The following ZNF787 variants were observed in gnomAD, a reference collection of about 807,000 sequenced individuals.
ZNF787 encodes zinc finger protein 787.
In ZNF787, 7 loss-of-function variants were observed where a neutral mutation model predicts 16.9. The observed-to-expected ratio is 0.42, with a 90% confidence interval of 0.24 to 0.78. ZNF787 has a LOEUF of 0.78. ZNF787 is among the 30% of genes least tolerant of loss of function. The probability of loss-of-function intolerance (pLI) is 0.30; values close to 1 mark genes in which losing one functional copy is unlikely to be tolerated. For synonymous variants in ZNF787, 345 were observed against 270.9 expected, an observed-to-expected ratio of 1.27 and a Z score of -2.69; for missense variants, 551 against 589.3, an observed-to-expected ratio of 0.94 and a Z score of 0.67.
At chr19:56,098,450 AC>A (rs1336809301) in intron 2 of ZNF787, among the ~76,000 whole-genome samples, 1 of 149,952 alleles carries the variant, frequency 6.7e-6, no homozygotes, top group Non-Finnish European at 1.5e-5. Context: ...GCAGGGTGAT[AC>A]GGCCGCAGGG....
At chr19:56,093,753 G>A (rs1462397794) in intron 2 of ZNF787, among the ~76,000 whole-genome samples, 1 of 152,156 alleles carries the variant, frequency 6.6e-6, no homozygotes, top group Non-Finnish European at 1.5e-5. Context: ...TGCTAAGTCC[G>A]AGCATAGTCA....
At chr19:56,107,490 G>GGGTCACCGT (rs1986371168) in intron 1 of ZNF787, among the ~76,000 whole-genome samples, 1 of 116,100 alleles carries the variant, frequency 8.6e-6, no homozygotes, top group Non-Finnish European at 1.8e-5. Flanking sequence ...GGGGTCACCG[G>GGGTCACCGT]GAGACACGGG....
chr19:56,103,255 CAG>C lies in ZNF787; in HGVS notation c.-10-30_-10-29del, dbSNP rs780164311. ...GTTAGAAGGGGATGAGACAGAAGGACAGAGTTTATGGGGTGCCAGGCTGCACC... is the reference window on the plus strand; with the variant it reads ...GTTAGAAGGGGATGAGACAGAAGGACAGTTTATGGGGTGCCAGGCTGCACC... On this transcript the variant is annotated intron_variant, in intron 1 of 2. Coordinates refer to ENST00000610935, the MANE Select transcript of ZNF787 (RefSeq NM_001002836.4). 2.0e-6 allele frequency: 3 copies of C among 1,522,036 alleles called. No individual in the cohort carries two copies. In the South Asian group the frequency reaches 4.0e-5, roughly 20 times the overall value. 94.3% of individuals were successfully genotyped at this position (1,522,036 alleles called of 1,614,324 possible).
At chr19:56,098,012 G>A (rs1000621886) in intron 2 of ZNF787, among the ~76,000 whole-genome samples, 4 of 152,154 alleles carry the variant, frequency 2.6e-5, no homozygotes, top group African/African-American at 9.7e-5. Flanking sequence ...GGGCACCCCC[G>A]GTCAGCACCC....
At chr19:56,099,618 G>C (rs1182957457) in intron 2 of ZNF787, among the ~76,000 whole-genome samples, 1 of 149,532 alleles carries the variant, frequency 6.7e-6, no homozygotes, top group Non-Finnish European at 1.5e-5. Flanking sequence ...GGCTGAGGCA[G>C]GAGAATCGCT....
Position 56,089,258 on chromosome 19 carries a change from C to T in ZNF787, c.80-166G>A, listed in dbSNP as rs558521751. Among the ~76,000 whole-genome samples, 34 of 152,188 alleles carry T rather than the reference C, an allele frequency of 2.2e-4. No homozygotes were observed. The South Asian group carries it at 6.6e-3, about 30-fold the overall frequency. ...CTGCATTTTACTAAGTATTTATTAC[C>T]CCTCTCCCCAGCTAAGACCTCAGCT... On this transcript the variant is annotated intron_variant, in intron 2 of 2. Transcript: ENST00000610935.
chr19:56,097,972 T>C (rs577088802), intron 2 of ZNF787, among the ~76,000 whole-genome samples: 1 of 152,242 alleles, frequency 6.6e-6, no homozygotes, highest in East Asian at 1.9e-4. Context: ...GACAACCTCA[T>C]GCTGAAGCCC....
Position 56,087,608 on chromosome 19 carries a change from G to C in ZNF787, c.*415C>G, listed in dbSNP as rs944309070. 5 of 161,034 alleles carry C rather than the reference G, an allele frequency of 3.1e-5. No individual in the cohort carries two copies. In the East Asian group the frequency reaches 5.4e-4, roughly 17 times the overall value. The allele number at this position is 161,034 out of a possible 1,614,324, so 10.0% of individuals were successfully genotyped here. On this transcript the variant is annotated 3_prime_UTR_variant, in exon 3 of 3. Coordinates refer to ENST00000610935, the MANE Select transcript of ZNF787 (RefSeq NM_001002836.4). ...ATTCTAAAAGAGAAAAGGGCCCCTGGTTCTCTTCCCTCTCTGGGATCCTCT... is the reference window on the plus strand; with the variant it reads ...ATTCTAAAAGAGAAAAGGGCCCCTGCTTCTCTTCCCTCTCTGGGATCCTCT...
intron 2 of ZNF787, among the ~76,000 whole-genome samples, chr19:56,093,246 A>T (rs1018267673): frequency 1.4e-5 from 2 of 147,250 alleles, no homozygotes; most frequent in African/African-American, 5.1e-5. Flanking sequence ...ACAGGGGATG[A>T]CAGAATTGAG....
intron 1 of ZNF787, among the ~76,000 whole-genome samples, chr19:56,120,065 C>A (rs1036009738): frequency 3.3e-5 from 5 of 152,220 alleles, no homozygotes; most frequent in African/African-American, 1.2e-4. Context: ...GCTCCCACAG[C>A]CCCCAGACCT....
At chr19:56,096,589 T>C (rs1037379268) in intron 2 of ZNF787, among the ~76,000 whole-genome samples, 1 of 152,094 alleles carries the variant, frequency 6.6e-6, no homozygotes, top group Admixed American at 6.6e-5. Context: ...GGCGGGTGCC[T>C]GTAATCCCAG....
Position 56,087,901 on chromosome 19 carries a change from G to GCCGGGGATGCCGCGGGGTC in ZNF787, c.*103_*121dup. 7.9e-7 allele frequency: 1 copy of GCCGGGGATGCCGCGGGGTC among 1,271,258 alleles called. No individual in the cohort carries two copies. The highest frequency in any genetic ancestry group is 9.9e-7 in the Non-Finnish European group (1 of 1,008,052). 78.7% of individuals were successfully genotyped at this position (1,271,258 alleles called of 1,614,324 possible). A position where few individuals can be genotyped will look rare whatever the true frequency, so the allele number is the denominator to read the frequency against. ...GCGCAGGGACAGAGGAGGGCGGGGA[G>GCCGGGGATGCCGCGGGGTC]CCGGGGATGCCGCGGGGTCCATCGC... On this transcript the variant is annotated 3_prime_UTR_variant, in exon 3 of 3. Transcript: ENST00000610935.
rs576379256 is a variant in ZNF787 at position 56,093,637 on chromosome 19, A to G, written c.80-4545T>C. ...CTTTTAGGTTCCTCAGGAAGGGCACAGAGGAACGGGGTTCACAGGGCTGTT... is the reference window on the plus strand; with the variant it reads ...CTTTTAGGTTCCTCAGGAAGGGCACGGAGGAACGGGGTTCACAGGGCTGTT... On this transcript the variant is annotated intron_variant, in intron 2 of 2. Transcript: ENST00000610935. Among the ~76,000 whole-genome samples the G allele has an allele frequency of 2.6e-5, 4 of 152,292 alleles. No homozygotes were observed. In the East Asian group the frequency reaches 7.7e-4, roughly 29 times the overall value.
At chr19:56,090,458 G>A (rs1041395201) in intron 2 of ZNF787, among the ~76,000 whole-genome samples, 4 of 152,014 alleles carry the variant, frequency 2.6e-5, no homozygotes, top group African/African-American at 9.7e-5. Context: ...CACCCTACAC[G>A]CTAAGGGAGT....
chr19:56,106,757 G>C (rs556264009), intron 1 of ZNF787, among the ~76,000 whole-genome samples: 1 of 152,230 alleles, frequency 6.6e-6, no homozygotes, highest in African/African-American at 2.4e-5. Flanking sequence ...CCTCATTCCA[G>C]GCCGGGGTCT....
chr19:56,088,393 G>GCCATGGCTGCCGCGGCCGCGGCCC lies in ZNF787; in HGVS notation c.755_778dup (p.Gly252_Met259dup). ...CCCCGCGGCCTTTGCCCCCGCGCCC[G>GCCATGGCTGCCGCGGCCGCGGCCC]CCATGGCTGCCGCGGCCGCGGCCCC... On this transcript the variant is annotated inframe_insertion, in exon 3 of 3. Transcript: ENST00000610935. This position sits in a 1 kb window ranked among gnomAD's most constrained non-coding sequence, Gnocchi z 8.6. 1.8e-6 allele frequency: 2 copies of GCCATGGCTGCCGCGGCCGCGGCCC among 1,097,686 alleles called. No individual in the cohort carries two copies. The highest frequency in any genetic ancestry group is 2.2e-6 in the Non-Finnish European group (2 of 903,592). 68.0% of individuals were successfully genotyped at this position (1,097,686 alleles called of 1,614,324 possible). A position where few individuals can be genotyped will look rare whatever the true frequency, so the allele number is the denominator to read the frequency against.
At chr19:56,107,780 G>A (rs945175381) in intron 1 of ZNF787, among the ~76,000 whole-genome samples, 1 of 152,094 alleles carries the variant, frequency 6.6e-6, no homozygotes, top group African/African-American at 2.4e-5. Flanking sequence ...TGGATGGGCA[G>A]CGTGGAGGGG....
chr19:56,119,977 C>A (rs1240500627), intron 1 of ZNF787, among the ~76,000 whole-genome samples: 2 of 151,892 alleles, frequency 1.3e-5, no homozygotes, highest in Admixed American at 6.6e-5. Context: ...CAGGACACCG[C>A]AAAGAGCAGA....
intron 2 of ZNF787, among the ~76,000 whole-genome samples, chr19:56,095,036 C>G (rs6509982): frequency 0.71 from 107,397 of 152,092 alleles, 42,306 homozygotes; most frequent in South Asian, 0.93. Context: ...ATCACTTGAA[C>G]CCGAGAGGTG....
Sources: gnomAD v4.1 joint callset for allele counts (sites outside exome capture counted in the v4.1 genomes callset) on GRCh38, gnomAD v4.1.1 for gene constraint, Gnocchi (gnomAD v3.1) non-coding constraint, MANE v1.5 for transcripts, NCBI Gene and HGNC (gene_info 2026-07-23, HGNC 2026-07-21) for gene names.